Variants in ROBO1 observed in about 807,000 individuals in gnomAD.
The protein encoded by ROBO1 is roundabout guidance receptor 1.
Under a neutral mutation model 195.9 loss-of-function variants are expected in ROBO1, and 149 were observed. The observed-to-expected ratio is 0.76, with a 90% CI of 0.67 to 0.87. The LOEUF is 0.87. Among genes scored for constraint, ROBO1 ranks in the 40% least tolerant of loss-of-function variants. ROBO1 has a pLI of 0.00. For synonymous variants in ROBO1, 816 were observed against 733.2 expected, an observed-to-expected ratio of 1.11 and a Z score of -1.82; for missense variants, 1,933 against 2,068.3, an observed-to-expected ratio of 0.93 and a Z score of 1.27.
In ROBO1 at chr3:78,850,401, A is replaced by G. The variant is rs565566661; in HGVS notation, c.499+88200T>C. Among the ~76,000 whole-genome samples the G allele has an allele frequency of 1.4e-4, 22 of 152,382 alleles. No homozygotes were observed. The South Asian group carries it at 4.3e-3, about 30-fold the overall frequency. ...CAATTTTAATATTAACTTTAAAACC[A>G]GATAACAAGTTTAATAACAAAGGGA... On this transcript the variant is annotated intron_variant, in intron 4 of 30. Transcript: ENST00000464233.
chr3:79,388,541 G>A (rs905161905), intron 2 of ROBO1, among the ~76,000 whole-genome samples: 28 of 151,658 alleles, frequency 1.8e-4, no homozygotes, highest in African/African-American at 6.8e-4. Context: ...TAAAAATAAC[G>A]AATGAACTAG....
intron 2 of ROBO1, among the ~76,000 whole-genome samples, chr3:79,543,680 G>C (rs542267163): frequency 2.8e-4 from 43 of 151,960 alleles, no homozygotes; most frequent in Non-Finnish European, 5.0e-4. Context: ...TCCAACAGAG[G>C]CAAGCCCTTT....
intron 1 of ROBO1, among the ~76,000 whole-genome samples, chr3:79,616,049 G>C (rs1944809283): frequency 6.6e-6 from 1 of 152,172 alleles, no homozygotes; most frequent in Non-Finnish European, 1.5e-5. Context: ...CCAAACCTAT[G>C]GTGGCTTGCT....
At chr3:79,722,442 G>A (rs1702746916) in intron 1 of ROBO1, among the ~76,000 whole-genome samples, 1 of 152,166 alleles carries the variant, frequency 6.6e-6, no homozygotes, top group African/African-American at 2.4e-5. Context: ...TTTTGATAGT[G>A]ATTTCCTCCT....
chr3:79,402,132 TATC>T (rs2037388151), intron 2 of ROBO1, among the ~76,000 whole-genome samples: 1 of 151,930 alleles, frequency 6.6e-6, no homozygotes. Flanking sequence ...TCTCTGCACT[TATC>T]ATGGTATCAT....
intron 4 of ROBO1, among the ~76,000 whole-genome samples, chr3:78,864,725 T>C (rs1046589994): frequency 1.3e-5 from 2 of 151,956 alleles, no homozygotes; most frequent in South Asian, 2.1e-4. Context: ...CATGTGTGTA[T>C]ATATACATAC....
chr3:78,733,996 T>G, intron 5 of ROBO1, among the ~76,000 whole-genome samples: 1 of 152,240 alleles, frequency 6.6e-6, no homozygotes, highest in East Asian at 1.9e-4. Flanking sequence ...TGTATCATTT[T>G]AATACAGCAC....
chr3:78,754,291 AG>A (rs919475384), intron 4 of ROBO1, among the ~76,000 whole-genome samples: 2 of 152,200 alleles, frequency 1.3e-5, no homozygotes, highest in Non-Finnish European at 2.9e-5. Flanking sequence ...GCCATTGATG[AG>A]GGTTTTAAAG....
chr3:78,600,828 T>C (rs185031802), intron 29 of ROBO1, among the ~76,000 whole-genome samples: 1 of 152,148 alleles, frequency 6.6e-6, no homozygotes, highest in Non-Finnish European at 1.5e-5. Flanking sequence ...TTATAAGGAA[T>C]TGGTAAAAAT....
intron 10 of ROBO1, among the ~76,000 whole-genome samples, chr3:78,677,376 G>A (rs1304299992): frequency 2.0e-5 from 3 of 152,034 alleles, no homozygotes; most frequent in African/African-American, 7.2e-5. Flanking sequence ...GACACAGACT[G>A]GCAAATTGGA....
intron 2 of ROBO1, among the ~76,000 whole-genome samples, chr3:79,575,359 GTATATAACAAATATATATAAATA>G (rs1157146944): frequency 2.0e-5 from 2 of 101,834 alleles, no homozygotes; most frequent in Non-Finnish European, 3.7e-5. Context: ...ATATAAATAT[GTATATAACAAATATATATAAATA>G]TAGATAACAA....
intron 2 of ROBO1, among the ~76,000 whole-genome samples, chr3:79,248,252 C>T (rs1362928208): frequency 2.7e-5 from 4 of 150,830 alleles, no homozygotes; most frequent in Non-Finnish European, 4.4e-5. Flanking sequence ...TAAATTTATT[C>T]ATTTAATAAA....
At chr3:78,920,594 C>T (rs574015903) in intron 4 of ROBO1, among the ~76,000 whole-genome samples, 5 of 148,790 alleles carry the variant, frequency 3.4e-5, no homozygotes, top group East Asian at 2.0e-4. Flanking sequence ...CATGAGCCAC[C>T]GTACCCAGCC....
chr3:79,062,005 C>T (rs942079003), intron 3 of ROBO1, among the ~76,000 whole-genome samples: 4 of 152,094 alleles, frequency 2.6e-5, no homozygotes, highest in Non-Finnish European at 4.4e-5. Context: ...CAAATGGGAT[C>T]TCATTAAACT....
intron 19 of ROBO1, among the ~76,000 whole-genome samples, chr3:78,648,168 A>C (rs1706417986): frequency 6.6e-6 from 1 of 152,080 alleles, no homozygotes; most frequent in Non-Finnish European, 1.5e-5. Context: ...GGGAAGAAGA[A>C]ACAACAAACA....
intron 4 of ROBO1, among the ~76,000 whole-genome samples, chr3:78,883,491 C>T (rs556684451): frequency 2.6e-5 from 4 of 152,072 alleles, no homozygotes; most frequent in African/African-American, 9.7e-5. Context: ...AGGCAATCCT[C>T]CCACCTCAGC....
At chr3:78,685,113 T>G (rs901949069) in intron 10 of ROBO1, among the ~76,000 whole-genome samples, 2 of 152,114 alleles carry the variant, frequency 1.3e-5, no homozygotes, top group Non-Finnish European at 2.9e-5. Flanking sequence ...TATATTTATA[T>G]GTATATGAAA....
intron 1 of ROBO1, among the ~76,000 whole-genome samples, chr3:79,735,599 G>A (rs1390465263): frequency 2.6e-5 from 4 of 152,224 alleles, no homozygotes; most frequent in Non-Finnish European, 4.4e-5. Flanking sequence ...GGCCGGGCGC[G>A]GTGGCTCACG....
Position 79,286,596 on chromosome 3 carries a change from T to C in ROBO1, c.89-161057A>G, listed in dbSNP as rs566261386. ...CACCAACCTTAATTACTAAACTGCATTGAAACTCCCATGTGTTCACTCTGA... is the reference window on the plus strand; with the variant it reads ...CACCAACCTTAATTACTAAACTGCACTGAAACTCCCATGTGTTCACTCTGA... On this transcript the variant is annotated intron_variant, in intron 2 of 30. Coordinates refer to ENST00000464233, the MANE Select transcript of ROBO1 (RefSeq NM_002941.4). 6.6e-5 allele frequency among the ~76,000 whole-genome samples: 10 copies of C among 152,226 alleles called. 1 individual carries two copies. In the South Asian group the frequency reaches 1.7e-3, roughly 25 times the overall value.
Sources: gnomAD v4.1 joint callset for allele counts (sites outside exome capture counted in the v4.1 genomes callset) on GRCh38, gnomAD v4.1.1 for gene constraint, MANE v1.5 for transcripts, NCBI Gene and HGNC (gene_info 2026-07-23, HGNC 2026-07-21) for gene names.